PTPRD: variants seen among roughly 807,000 people sequenced by gnomAD.
The protein encoded by PTPRD is protein tyrosine phosphatase receptor type D, also known as receptor-type tyrosine-protein phosphatase delta.
Under a neutral mutation model 214.5 loss-of-function variants are expected in PTPRD, and 34 were observed. The ratio of observed to expected loss-of-function variants is 0.16; its 90% CI spans 0.12 to 0.21. The LOEUF (loss-of-function observed/expected upper bound fraction) is 0.21. Ranked by LOEUF, PTPRD falls within the 10% of genes least tolerant of loss-of-function variation. The pLI is 1.00. For missense variants in PTPRD, 2,545 were observed against 2,398.7 expected, an observed-to-expected ratio of 1.06 and a Z score of -1.27; for synonymous variants, 1,128 against 845.7, an observed-to-expected ratio of 1.33 and a Z score of -5.79.
chr9:9,798,765 C>G (rs1450187759), intron 5 of PTPRD, among the ~76,000 whole-genome samples: 1 of 152,068 alleles, frequency 6.6e-6, no homozygotes, highest in Non-Finnish European at 1.5e-5. Flanking sequence ...GGTAAAATGA[C>G]TGATTTATGA....
At chr9:9,530,385 T>C (rs969407199) in intron 8 of PTPRD, among the ~76,000 whole-genome samples, 3 of 152,070 alleles carry the variant, frequency 2.0e-5, no homozygotes, top group Admixed American at 2.0e-4. Context: ...TTGGAACACA[T>C]AGAGGAAATG....
At chr9:10,037,691 G>C (rs571812740) in intron 3 of PTPRD, among the ~76,000 whole-genome samples, 10 of 151,602 alleles carry the variant, frequency 6.6e-5, no homozygotes, top group African/African-American at 2.4e-4. Context: ...ACTAATATTT[G>C]AGAGAGGATC....
intron 9 of PTPRD, among the ~76,000 whole-genome samples, chr9:9,252,595 C>A (rs961391484): frequency 4.6e-5 from 7 of 152,122 alleles, no homozygotes; most frequent in Middle Eastern, 3.4e-3. Context: ...AATCTTCTTG[C>A]CTCAGCCTCC....
chr9:10,487,743 A>C (rs1022582510), intron 2 of PTPRD, among the ~76,000 whole-genome samples: 6 of 151,942 alleles, frequency 3.9e-5, no homozygotes, highest in Non-Finnish European at 1.5e-5. Context: ...GGACAAATTG[A>C]TAGGTGCAGC....
intron 9 of PTPRD, among the ~76,000 whole-genome samples, chr9:9,221,061 G>A (rs1041690616): frequency 2.6e-4 from 39 of 152,176 alleles, no homozygotes; most frequent in African/African-American, 8.4e-4. Flanking sequence ...GTGAAGACAT[G>A]GCAGAGGCTG....
intron 5 of PTPRD, among the ~76,000 whole-genome samples, chr9:9,772,301 G>C (rs577833557): frequency 1.3e-5 from 2 of 152,150 alleles, no homozygotes; most frequent in South Asian, 2.1e-4. Context: ...TGAACTTTTA[G>C]CCTACAAAAT....
chr9:10,507,232 A>G (rs148650080), intron 2 of PTPRD, among the ~76,000 whole-genome samples: 4,927 of 152,152 alleles, frequency 0.032, 251 homozygotes, highest in African/African-American at 0.11. Context: ...TAGGAATCCA[A>G]CTTACAAGGG....
intron 11 of PTPRD, among the ~76,000 whole-genome samples, chr9:8,970,200 T>G (rs2099228448): frequency 6.6e-6 from 1 of 151,986 alleles, no homozygotes; most frequent in Non-Finnish European, 1.5e-5. Context: ...TTCTTGCTCA[T>G]TCTCTAGGCT....
chr9:9,442,809 T>G (rs2088671345), intron 8 of PTPRD, among the ~76,000 whole-genome samples: 1 of 152,158 alleles, frequency 6.6e-6, no homozygotes, highest in African/African-American at 2.4e-5. Flanking sequence ...TTCTGTTTAG[T>G]GTTTTACCCT....
intron 8 of PTPRD, among the ~76,000 whole-genome samples, chr9:9,446,652 C>G (rs2090507019): frequency 6.6e-6 from 1 of 152,054 alleles, no homozygotes; most frequent in African/African-American, 2.4e-5. Flanking sequence ...TTAAAAATCC[C>G]TGACCTCCAA....
intron 11 of PTPRD, among the ~76,000 whole-genome samples, chr9:8,863,240 C>T (rs894032651): frequency 2.0e-5 from 3 of 151,900 alleles, no homozygotes; most frequent in Non-Finnish European, 4.4e-5. Flanking sequence ...TTACAGCATG[C>T]GACTGTGACA....
chr9:8,601,737 C>G (rs892677542), intron 14 of PTPRD, among the ~76,000 whole-genome samples: 3 of 152,160 alleles, frequency 2.0e-5, no homozygotes, highest in Non-Finnish European at 2.9e-5. Flanking sequence ...ACAGTGTTGT[C>G]ACAGAGTAAA....
Position 9,433,686 on chromosome 9 carries a change from C to T in PTPRD, c.-236-36204G>A, listed in dbSNP as rs569081019. On this transcript the variant is annotated intron_variant, in intron 8 of 45. Transcript: ENST00000381196. ...TCACAAAATAGATTTTACACAGATA[C>T]ATTTCTGAAAAATCATCTTCTTGAT... Among the ~76,000 whole-genome samples the T allele has an allele frequency of 3.9e-5, 6 of 152,254 alleles. No homozygotes were observed. In the East Asian group the frequency reaches 5.8e-4, roughly 15 times the overall value.
chr9:9,147,868 C>G (rs2099871335), intron 10 of PTPRD, among the ~76,000 whole-genome samples: 1 of 152,074 alleles, frequency 6.6e-6, no homozygotes, highest in South Asian at 2.1e-4. Context: ...TTGGCCTCAC[C>G]CTCTATATTC....
intron 11 of PTPRD, among the ~76,000 whole-genome samples, chr9:8,735,127 G>T (rs1392861285): frequency 6.0e-5 from 9 of 149,724 alleles, no homozygotes; most frequent in African/African-American, 1.5e-4. Context: ...TCAATAATTT[G>T]GTTTTTTTTT....
chr9:10,493,793 C>G (rs1012977274), intron 2 of PTPRD, among the ~76,000 whole-genome samples: 1 of 151,944 alleles, frequency 6.6e-6, no homozygotes, highest in Non-Finnish European at 1.5e-5. Flanking sequence ...CCAAGACTCT[C>G]AACTCTTTAA....
chr9:8,749,696 C>T (rs28612646), intron 11 of PTPRD, among the ~76,000 whole-genome samples: 8,728 of 152,258 alleles, frequency 0.057, 637 homozygotes, highest in African/African-American at 0.17. Context: ...TAACTTTACA[C>T]ACAAACAGTG....
At chr9:8,650,200 G>A (rs908616647) in intron 12 of PTPRD, among the ~76,000 whole-genome samples, 2 of 151,990 alleles carry the variant, frequency 1.3e-5, no homozygotes, top group Non-Finnish European at 2.9e-5. Flanking sequence ...TTACAGGCAT[G>A]AGCCCACACT....
At chr9:8,776,233 C>A (rs534544968) in intron 11 of PTPRD, among the ~76,000 whole-genome samples, 8 of 152,172 alleles carry the variant, frequency 5.3e-5, no homozygotes, top group Admixed American at 2.0e-4. Flanking sequence ...TACAACTATA[C>A]TAAGGCTCAG....
Sources: gnomAD v4.1 joint callset for allele counts (sites outside exome capture counted in the v4.1 genomes callset) on GRCh38, gnomAD v4.1.1 for gene constraint, MANE v1.5 for transcripts, NCBI Gene and HGNC (gene_info 2026-07-23, HGNC 2026-07-21) for gene names.